Variants in TLR6 observed in about 807,000 individuals in gnomAD.
TLR6 encodes the protein toll-like receptor 6.
In TLR6, 9 loss-of-function variants were observed where a neutral mutation model predicts 16.1. That is an observed-to-expected ratio of 0.56 (90% confidence interval 0.34 to 0.98). The LOEUF is 0.98. TLR6 is among the 50% of genes least tolerant of loss of function. TLR6 has a pLI of 0.02. For synonymous variants in TLR6, 340 were observed against 338.6 expected (o/e 1.00, Z -0.04); for missense variants, 786 against 921.0 (o/e 0.85, Z 1.90).
At chr4:38,865,867 G>C in the TLR6 span, among the ~76,000 whole-genome samples, 1 of 152,230 alleles carries the variant, frequency 6.6e-6, no homozygotes. Context: ...GGCTGGGTGT[G>C]GTGGCTCACG....
chr4:38,823,381 T>C (rs1410302889), downstream of TLR6, among the ~76,000 whole-genome samples: 1 of 152,214 alleles, frequency 6.6e-6, no homozygotes, highest in Non-Finnish European at 1.5e-5. Context: ...GTGAGTGCAC[T>C]CTATGATGTT....
rs56397410 is a variant in TLR6, at chr4:38,829,983, T to G, written c.-64-446A>C. The stretch of plus-strand genomic sequence containing the variant: ...ATGCAAAGATATATGGAGAAAGATA[T>G]GTGGGAGAAAAAAGGCTGAGGAAAT... On this transcript the variant is annotated intron_variant, in intron 1 of 1. Transcript: ENST00000436693. 1.4e-4 allele frequency among the ~76,000 whole-genome samples: 22 copies of G among 152,284 alleles called. No individual in the cohort carries two copies. The East Asian group carries it at 3.1e-3, about 21-fold the overall frequency.
exon 1 of TLR6, chr4:38,856,805 C>T (rs1713009739): frequency 6.6e-6 from 1 of 150,954 alleles, no homozygotes; most frequent in South Asian, 2.1e-4. Context: ...TGTAAATGAA[C>T]GGAAATACAA....
chr4:38,845,230 T>C (rs1712469695), intron 1 of TLR6, among the ~76,000 whole-genome samples: 1 of 152,168 alleles, frequency 6.6e-6, no homozygotes, highest in Non-Finnish European at 1.5e-5. Context: ...CATAACACAC[T>C]AAAAGGCAAG....
chr4:38,852,833 G>A (rs74495110), intron 1 of TLR6, among the ~76,000 whole-genome samples: 37,218 of 151,958 alleles, frequency 0.24, 5,033 homozygotes, highest in Non-Finnish European at 0.28. Flanking sequence ...TGATTCCTCA[G>A]GGATCTAGAA....
At chr4:38,829,560 G>C in intron 1 of TLR6, 23 bp from the exon 2 acceptor site, 2 of 755,908 alleles carry the variant, frequency 2.6e-6, no homozygotes. Context: ...TATACACTAA[G>C]ATTAATAAAG....
upstream of TLR6, among the ~76,000 whole-genome samples, chr4:38,859,996 T>C (rs2109483641): frequency 6.6e-6 from 1 of 152,222 alleles, no homozygotes; most frequent in African/African-American, 2.4e-5. Context: ...GGCCACCCAA[T>C]ACACTGTCCC....
chr4:38,830,261 T>C (rs1039980432), intron 1 of TLR6, among the ~76,000 whole-genome samples: 1 of 152,252 alleles, frequency 6.6e-6, no homozygotes, highest in Non-Finnish European at 1.5e-5. Flanking sequence ...TTTTTGTTTT[T>C]GCTCCAGATG....
chr4:38,867,663 CG>C, the TLR6 span: 1 of 151,660 alleles, frequency 6.6e-6, no homozygotes, highest in Non-Finnish European at 1.5e-5. Flanking sequence ...GCCCGGCCCT[CG>C]CAGCGTGGGG....
chr4:38,848,928 A>G (rs1477449923), intron 1 of TLR6, among the ~76,000 whole-genome samples: 1 of 152,192 alleles, frequency 6.6e-6, no homozygotes, highest in Non-Finnish European at 1.5e-5. Context: ...AATACAGAGA[A>G]CACCACAAAG....
At chr4:38,844,849 T>C (rs1240430465) in intron 1 of TLR6, among the ~76,000 whole-genome samples, 1 of 151,902 alleles carries the variant, frequency 6.6e-6, no homozygotes, top group African/African-American at 2.4e-5. Context: ...AGGTAAGGAG[T>C]TCGAGACCAG....
intron 1 of TLR6, among the ~76,000 whole-genome samples, chr4:38,850,266 A>G (rs1368604077): frequency 6.6e-6 from 1 of 152,250 alleles, no homozygotes; most frequent in Non-Finnish European, 1.5e-5. Context: ...AAATGCCCAC[A>G]AGAGAAAGCA....
upstream of TLR6, among the ~76,000 whole-genome samples, chr4:38,858,836 A>G (rs62294508): frequency 0.055 from 1,990 of 36,400 alleles, 91 homozygotes; most frequent in African/African-American, 0.14. Context: ...AGAGAGGAAG[A>G]AAGAAAGAAA....
chr4:38,839,983 A>C (rs1579250722), intron 1 of TLR6, among the ~76,000 whole-genome samples: 5 of 152,360 alleles, frequency 3.3e-5, no homozygotes, highest in African/African-American at 1.2e-4. Flanking sequence ...AAAAGATCAA[A>C]GTCCCCAAAG....
intron 1 of TLR6, among the ~76,000 whole-genome samples, chr4:38,838,487 C>T (rs1712050928): frequency 6.6e-6 from 1 of 152,046 alleles, no homozygotes; most frequent in Non-Finnish European, 1.5e-5. Flanking sequence ...GCAAAATAAG[C>T]CAGGCACAGA....
chr4:38,864,641 C>T, the TLR6 span, among the ~76,000 whole-genome samples: 166 of 152,282 alleles, frequency 1.1e-3, 3 homozygotes, highest in African/African-American at 1.1e-3. Context: ...ACAGGATGTC[C>T]TTAATATTCT....
At chr4:38,827,097 CATT>C (rs771423700) in exon 2 of TLR6, 17 of 1,582,190 alleles carry the variant, frequency 1.1e-5, no homozygotes, top group South Asian at 1.1e-4. Context: ...GATTTCACAT[CATT>C]GTTTTCAGTG....
chr4:38,865,893 C>G, the TLR6 span, among the ~76,000 whole-genome samples: 1 of 152,156 alleles, frequency 6.6e-6, no homozygotes, highest in Admixed American at 6.5e-5. Context: ...AATCCCAACA[C>G]TTTGGGAGGC....
chr4:38,854,017 A>T (rs2109474162), intron 1 of TLR6, among the ~76,000 whole-genome samples: 1 of 152,376 alleles, frequency 6.6e-6, no homozygotes, highest in South Asian at 2.1e-4. Flanking sequence ...AACAGTAATT[A>T]TCTTTGCACA....
Sources: gnomAD v4.1 joint callset for allele counts (sites outside exome capture counted in the v4.1 genomes callset) on GRCh38, gnomAD v4.1.1 for gene constraint, MANE v1.5 for transcripts, NCBI Gene and HGNC (gene_info 2026-07-23, HGNC 2026-07-21) for gene names.